The following PHLDB2 variants were observed in gnomAD, a reference collection of about 807,000 sequenced individuals.
PHLDB2 encodes pleckstrin homology-like domain family B member 2.
Under a neutral mutation model 123.6 loss-of-function variants are expected in PHLDB2, and 71 were observed. The observed-to-expected ratio is 0.57, with a 90% confidence interval of 0.47 to 0.70. PHLDB2 has a LOEUF of 0.70. Among genes scored for constraint, PHLDB2 ranks in the 30% least tolerant of loss-of-function variants. PHLDB2 has a pLI of 0.00. For synonymous variants in PHLDB2, 547 were observed against 541.6 expected, an observed-to-expected ratio of 1.01 and a Z score of -0.14; for missense variants, 1,446 against 1,519.5, an observed-to-expected ratio of 0.95 and a Z score of 0.80.
chr3:111,817,680 G>A (rs111665472), intron 1 of PHLDB2, among the ~76,000 whole-genome samples: 35 of 152,198 alleles, frequency 2.3e-4, no homozygotes, highest in African/African-American at 7.0e-4. Context: ...ACTTAGGACC[G>A]TGGTTCCCCA....
intron 8 of PHLDB2, among the ~76,000 whole-genome samples, chr3:111,941,433 G>A (rs1490951407): frequency 6.6e-6 from 1 of 152,192 alleles, no homozygotes; most frequent in Non-Finnish European, 1.5e-5. Flanking sequence ...CCAGAAGGAA[G>A]TATTAAAGGA....
chr3:111,848,186 A>G (rs567819010), intron 2 of PHLDB2, among the ~76,000 whole-genome samples: 30 of 152,260 alleles, frequency 2.0e-4, no homozygotes, highest in African/African-American at 7.0e-4. Context: ...TTCCAGTAGG[A>G]TCAAAGCATT....
chr3:111,971,809 G>GT (rs2072207973), intron 16 of PHLDB2, among the ~76,000 whole-genome samples: 1 of 152,220 alleles, frequency 6.6e-6, no homozygotes, highest in Admixed American at 6.5e-5. Context: ...TGAACACTGA[G>GT]TGGCAAAGTC....
intron 15 of PHLDB2, among the ~76,000 whole-genome samples, chr3:111,968,958 A>C (rs1006547638): frequency 6.6e-6 from 1 of 152,172 alleles, no homozygotes; most frequent in African/African-American, 2.4e-5. Context: ...ATTTAACAGC[A>C]TAAAATAAGA....
At chr3:111,940,677 T>A in intron 8 of PHLDB2, 32 bp downstream of exon 8, 1 of 1,325,780 alleles carries the variant, frequency 7.5e-7, no homozygotes, top group Non-Finnish European at 1.0e-6. Flanking sequence ...CTGGCTACAG[T>A]AAAACATAGG....
At chr3:111,837,019 A>G (rs1371180058) in intron 1 of PHLDB2, among the ~76,000 whole-genome samples, 1 of 152,216 alleles carries the variant, frequency 6.6e-6, no homozygotes, top group Non-Finnish European at 1.5e-5. Flanking sequence ...TGTCTGTAAT[A>G]CCTGCTTCAC....
chr3:111,916,207 G>A (rs1282946), intron 3 of PHLDB2: 137,761 of 152,230 alleles, frequency 0.9, 62,500 homozygotes, highest in African/African-American at 0.94. Flanking sequence ...TGCAGCATCT[G>A]TTGTTGCAAG....
intron 2 of PHLDB2, among the ~76,000 whole-genome samples, chr3:111,900,977 C>T (rs1316702182): frequency 6.6e-6 from 1 of 152,040 alleles, no homozygotes; most frequent in East Asian, 1.9e-4. Context: ...CTGCCTCAGC[C>T]TCCTGATGTG....
intron 5 of PHLDB2, among the ~76,000 whole-genome samples, chr3:111,924,471 A>G (rs531885082): frequency 6.6e-6 from 1 of 152,296 alleles, no homozygotes; most frequent in Admixed American, 6.5e-5. Flanking sequence ...CAAAACACTG[A>G]GCCAAACACC....
At chr3:111,864,294 A>T (rs1275260433) in intron 1 of PHLDB2, among the ~76,000 whole-genome samples, 4 of 152,198 alleles carry the variant, frequency 2.6e-5, no homozygotes, top group African/African-American at 7.2e-5. Flanking sequence ...AGTAGTTTTT[A>T]AAAAAATAAC....
chr3:111,959,558 A>G (rs1055275445), intron 12 of PHLDB2, among the ~76,000 whole-genome samples: 3 of 152,236 alleles, frequency 2.0e-5, no homozygotes, highest in Admixed American at 1.3e-4. Flanking sequence ...TCAAACCTCA[A>G]CAACTTGTGA....
At chr3:111,781,867 T>C (rs1038414352) in intron 1 of PHLDB2, among the ~76,000 whole-genome samples, 3 of 152,022 alleles carry the variant, frequency 2.0e-5, no homozygotes, top group Non-Finnish European at 2.9e-5. Flanking sequence ...TATACTCCCT[T>C]TAGTGCAGAT....
intron 8 of PHLDB2, among the ~76,000 whole-genome samples, chr3:111,943,420 CT>C (rs201575443): frequency 0.031 from 4,736 of 152,082 alleles, 134 homozygotes; most frequent in South Asian, 0.13. Flanking sequence ...AATGATAAAG[CT>C]TCCAGAACAA....
intron 1 of PHLDB2, 30 bp from the exon 2 acceptor site, chr3:111,884,034 G>C (rs1045507911): frequency 6.4e-7 from 1 of 1,569,846 alleles, no homozygotes; most frequent in African/African-American, 1.4e-5. Flanking sequence ...TCTTCTTTAA[G>C]GCAAAATTTT....
At chr3:111,972,647 G>A (rs1271077780) in intron 16 of PHLDB2, among the ~76,000 whole-genome samples, 3 of 134,912 alleles carry the variant, frequency 2.2e-5, no homozygotes, top group African/African-American at 5.1e-5. Flanking sequence ...CATTCTATTC[G>A]TACCCTATTT....
chr3:111,963,734 C>G (rs1019451518), intron 13 of PHLDB2, among the ~76,000 whole-genome samples: 8 of 152,170 alleles, frequency 5.3e-5, no homozygotes, highest in African/African-American at 1.7e-4. Context: ...GGAATTACCT[C>G]ATTAATAGGC....
intron 1 of PHLDB2, among the ~76,000 whole-genome samples, chr3:111,789,358 A>G (rs1246256852): frequency 6.6e-6 from 1 of 152,222 alleles, no homozygotes; most frequent in East Asian, 1.9e-4. Flanking sequence ...CCAACAATTA[A>G]GGAGGCACCA....
At chr3:111,840,659 G>A (rs1255604004) in intron 1 of PHLDB2, among the ~76,000 whole-genome samples, 5 of 152,162 alleles carry the variant, frequency 3.3e-5, no homozygotes, top group African/African-American at 1.2e-4. Flanking sequence ...AGGGGAGGTT[G>A]CTGACTCCTC....
At chr3:111,938,288 G>A (rs75352076) in intron 6 of PHLDB2, among the ~76,000 whole-genome samples, 47 of 152,074 alleles carry the variant, frequency 3.1e-4, no homozygotes, top group African/African-American at 1.1e-3. Flanking sequence ...CTGCACATGC[G>A]TAGGCTCCCC....
Sources: gnomAD v4.1 joint callset for allele counts (sites outside exome capture counted in the v4.1 genomes callset) on GRCh38, gnomAD v4.1.1 for gene constraint, MANE v1.5 for transcripts, NCBI Gene and HGNC (gene_info 2026-07-23, HGNC 2026-07-21) for gene names.